The following PEPD variants were observed in gnomAD, a reference collection of about 807,000 sequenced individuals.
PEPD encodes the protein peptidase D.
In PEPD, 53 loss-of-function variants were observed where a neutral mutation model predicts 60.7. The observed-to-expected ratio is 0.87, with a 90% CI of 0.70 to 1.10. The LOEUF (loss-of-function observed/expected upper bound fraction) is 1.10, where lower values mean the gene tolerates loss of function less well. Among genes scored for constraint, PEPD ranks in the 50% least tolerant of loss-of-function variants. The pLI is 0.00. For missense variants in PEPD, 711 were observed against 711.9 expected (o/e 1.00, Z 0.01); for synonymous variants, 267 against 284.1 (o/e 0.94, Z 0.60).
At chr19:33,394,311 C>G (rs1415447507) in intron 12 of PEPD, among the ~76,000 whole-genome samples, 1 of 152,288 alleles carries the variant, frequency 6.6e-6, no homozygotes, top group Non-Finnish European at 1.5e-5. Context: ...CTTGGCCCAG[C>G]CTCCGCAGAG....
chr19:33,444,492 G>A (rs1969552937), intron 9 of PEPD, among the ~76,000 whole-genome samples: 1 of 151,220 alleles, frequency 6.6e-6, no homozygotes, highest in Admixed American at 6.6e-5. Context: ...TCTAGACACT[G>A]GCTCAATGCC....
At position 33,400,863 on chromosome 19, in the gene PEPD, C is replaced by CAGGTG. The variant is rs1313172032; in HGVS notation, c.967+857_967+858insCACCT. Among the ~76,000 whole-genome samples the CAGGTG allele has an allele frequency of 8.3e-3, 1,259 of 152,314 alleles. 19 individuals are homozygous for CAGGTG. Among genetic ancestry groups the CAGGTG allele is most frequent in the African/African-American group, 0.029 (1,211 of 41,580 alleles). ...GATCCTGTGGGTGCTAGACTCCACC[C>CAGGTG]CTGCCAGGGCTATGGAGGACCCAGG... is the stretch of plus-strand genomic sequence containing the variant. On this transcript the variant is annotated intron_variant, in intron 12 of 14. Transcript: ENST00000244137.
chr19:33,484,484 GCACA>G (rs1160212940), intron 6 of PEPD, among the ~76,000 whole-genome samples: 1 of 152,084 alleles, frequency 6.6e-6, no homozygotes. Context: ...TGGAAAAGAG[GCACA>G]CACGGACACA....
At chr19:33,465,940 G>C (rs1970011389) in intron 7 of PEPD, among the ~76,000 whole-genome samples, 1 of 152,200 alleles carries the variant, frequency 6.6e-6, no homozygotes, top group South Asian at 2.1e-4. Flanking sequence ...AGCAGAGAGA[G>C]AAGGGTAGAA....
In PEPD at chr19:33,387,168, A is replaced by T. The variant is rs1968088758; in HGVS notation, c.*176T>A. 8.8e-6 allele frequency: 6 copies of T among 681,294 alleles called. No homozygotes were observed. The highest frequency in any genetic ancestry group is 1.2e-5 in the Non-Finnish European group (5 of 402,066). 42.2% of individuals were successfully genotyped at this position (681,294 alleles called of 1,614,324 possible). A position where few individuals can be genotyped will look rare whatever the true frequency, so the allele number is the denominator to read the frequency against. ...AAAGGTGGGAGCCTGCAAAAGGGTAATTAAAAAAGTGTTTCCTCCCCGGGA... is the reference window on the plus strand; with the variant it reads ...AAAGGTGGGAGCCTGCAAAAGGGTATTTAAAAAAGTGTTTCCTCCCCGGGA... On this transcript the variant is annotated 3_prime_UTR_variant, in exon 15 of 15. Coordinates refer to ENST00000244137, the MANE Select transcript of PEPD (RefSeq NM_000285.4).
At chr19:33,434,391 C>T (rs1010800413) in intron 9 of PEPD, among the ~76,000 whole-genome samples, 5 of 152,112 alleles carry the variant, frequency 3.3e-5, no homozygotes, top group African/African-American at 9.7e-5. Context: ...TGTGTAACGG[C>T]GATGGTTCTA....
chr19:33,494,606 C>T (rs1364770017), intron 4 of PEPD, among the ~76,000 whole-genome samples: 1 of 152,196 alleles, frequency 6.6e-6, no homozygotes, highest in Non-Finnish European at 1.5e-5. Flanking sequence ...TTCAAACATG[C>T]AATTTTTAGC....
At chr19:33,452,353 G>GA (rs1234858219) in intron 9 of PEPD, among the ~76,000 whole-genome samples, 1 of 151,792 alleles carries the variant, frequency 6.6e-6, no homozygotes, top group Non-Finnish European at 1.5e-5. Flanking sequence ...TACTAAAGAG[G>GA]AAAAAATAAA....
chr19:33,422,818 A>ATATCTATCTATCTATCTATCTATC (rs201899160), intron 9 of PEPD, among the ~76,000 whole-genome samples: 19,370 of 130,786 alleles, frequency 0.15, 1,451 homozygotes, highest in Non-Finnish European at 0.19. Flanking sequence ...CCATCCTTCT[A>ATATCTATCTATCTATCTATCTATC]TATCTATCTA....
intron 6 of PEPD, among the ~76,000 whole-genome samples, chr19:33,483,964 C>T (rs754360897): frequency 2.6e-5 from 4 of 152,152 alleles, no homozygotes; most frequent in Non-Finnish European, 5.9e-5. Flanking sequence ...TTGAAAACAC[C>T]TATGTAATGC....
At chr19:33,521,312 TG>T (rs1971126822) in intron 1 of PEPD, among the ~76,000 whole-genome samples, 1 of 152,244 alleles carries the variant, frequency 6.6e-6, no homozygotes, top group Non-Finnish European at 1.5e-5. Flanking sequence ...GGGTGACATT[TG>T]GCCCCTGAAA....
At chr19:33,441,470 G>A (rs1361520389) in intron 9 of PEPD, among the ~76,000 whole-genome samples, 1 of 152,196 alleles carries the variant, frequency 6.6e-6, no homozygotes, top group Non-Finnish European at 1.5e-5. Flanking sequence ...CGGGGAGGCC[G>A]CCACCTTGCT....
At chr19:33,512,539 G>A in intron 2 of PEPD, 54 bp downstream of exon 2, 1 of 1,559,368 alleles carries the variant, frequency 6.4e-7, no homozygotes. Flanking sequence ...CTCCTGCTCA[G>A]GACAGCAGCA....
intron 6 of PEPD, among the ~76,000 whole-genome samples, chr19:33,480,240 C>A (rs1381028939): frequency 6.6e-6 from 1 of 152,128 alleles, no homozygotes; most frequent in Admixed American, 6.5e-5. Flanking sequence ...GAAAGTGGAA[C>A]TAGAATGGCT....
intron 9 of PEPD, among the ~76,000 whole-genome samples, chr19:33,452,493 T>C (rs1477798857): frequency 4.6e-5 from 7 of 151,468 alleles, no homozygotes; most frequent in African/African-American, 1.5e-4. Context: ...AACTGAAAAA[T>C]AAATTTAAGA....
chr19:33,424,575 G>A (rs887994075), intron 9 of PEPD, among the ~76,000 whole-genome samples: 1 of 152,184 alleles, frequency 6.6e-6, no homozygotes, highest in African/African-American at 2.4e-5. Flanking sequence ...CCAGTGTGGT[G>A]GTGCATGTGT....
intron 9 of PEPD, among the ~76,000 whole-genome samples, chr19:33,459,038 A>G (rs1044320801): frequency 6.6e-6 from 1 of 152,016 alleles, no homozygotes; most frequent in African/African-American, 2.4e-5. Flanking sequence ...GAGAAGGAGC[A>G]CAGCTGGGCA....
Position 33,411,680 on chromosome 19 carries a change from C to T in PEPD, c.810G>A (p.Gly270=), listed in dbSNP as rs79755990. Reference sequence around the variant, plus strand: ...CCGCTGGCCCTACTTACCACATATCCCCATTCTGGATCGTTCGGTCGTTGG... The same window carrying T: ...CCGCTGGCCCTACTTACCACATATCTCCATTCTGGATCGTTCGGTCGTTGG... The part of the protein sequence containing the change: ...GAPNDRTIQN[G]DMCLFDMGGE... Residue 270 remains glycine, a synonymous_variant, in exon 11 of 15, where the codon GGG becomes GGA. Transcript: ENST00000244137. The T allele has an allele frequency of 2.2e-4, 347 of 1,598,906 alleles. No homozygotes were observed. In the African/African-American group the frequency reaches 4.5e-3, roughly 21 times the overall value.
Position 33,512,669 on chromosome 19 carries a change from G to T in PEPD, c.125C>A (p.Ala42Asp). 1 of 1,613,946 alleles carries T rather than the reference G, an allele frequency of 6.2e-7. No individual in the cohort carries two copies. ...ERLRKNPAVQ[A>D]GSIVVLQGGE... is the part of the protein sequence containing the mutation. ...GCCCTGCAGGACCACGATGGAGCCG[G>T]CCTGCACAGCAGGGTTCTTCCGCAG... The change falls in exon 2 of 15, where the codon GCC becomes GAC. Residue 42 changes from alanine to aspartate, a missense_variant. Coordinates refer to ENST00000244137, the MANE Select transcript of PEPD (RefSeq NM_000285.4).
Sources: allele counts gnomAD v4.1 joint callset (sites outside exome capture counted in the v4.1 genomes callset), GRCh38; gene constraint gnomAD v4.1.1; transcripts MANE v1.5; gene names NCBI Gene and HGNC (gene_info 2026-07-23, HGNC 2026-07-21).